The following NTM variants were observed in gnomAD, a reference collection of about 807,000 sequenced individuals.
NTM encodes the protein neurotrimin, also known as IgLON family member 2.
In NTM, 13 loss-of-function variants were observed where a neutral mutation model predicts 42.1. That is an observed-to-expected ratio of 0.31 (90% CI 0.20 to 0.49). The LOEUF (loss-of-function observed/expected upper bound fraction) is 0.49. Among genes scored for constraint, NTM ranks in the 20% least tolerant of loss-of-function variants. The probability of loss-of-function intolerance (pLI) is 0.99; values close to 1 mark genes in which losing one functional copy is unlikely to be tolerated. For synonymous variants in NTM, 187 were observed against 179.2 expected, an observed-to-expected ratio of 1.04 and a Z score of -0.35; for missense variants, 373 against 452.8, an observed-to-expected ratio of 0.82 and a Z score of 1.60.
intron 4 of NTM, among the ~76,000 whole-genome samples, chr11:132,229,854 A>G (rs1416923209): frequency 6.6e-6 from 1 of 152,218 alleles, no homozygotes; most frequent in African/African-American, 2.4e-5. Context: ...ATGTTCACTC[A>G]AGGAGCCATT....
At chr11:131,692,630 G>A (rs577625002) in intron 1 of NTM, among the ~76,000 whole-genome samples, 44 of 152,340 alleles carry the variant, frequency 2.9e-4, no homozygotes, top group African/African-American at 1.0e-3. Context: ...AAGAAATGCA[G>A]CCATATAAAA....
At chr11:132,114,710 A>T (rs185952487) in intron 2 of NTM, among the ~76,000 whole-genome samples, 1 of 152,240 alleles carries the variant, frequency 6.6e-6, no homozygotes, top group Non-Finnish European at 1.5e-5. Flanking sequence ...GAGATCATCA[A>T]GTTTAGCCTC....
chr11:131,529,136 T>C (rs546667058), intron 1 of NTM, among the ~76,000 whole-genome samples: 110 of 152,304 alleles, frequency 7.2e-4, no homozygotes, highest in African/African-American at 2.6e-3. Flanking sequence ...GCTAAACAGA[T>C]GTTTTGGACA....
chr11:131,900,654 G>GGAGA (rs1005720874), intron 1 of NTM, among the ~76,000 whole-genome samples: 1 of 151,130 alleles, frequency 6.6e-6, no homozygotes, highest in African/African-American at 2.4e-5. Context: ...AGAGAAAGAG[G>GGAGA]GAGAGAGAGA....
chr11:132,170,421 T>G (rs2075957849), intron 3 of NTM, among the ~76,000 whole-genome samples: 1 of 152,200 alleles, frequency 6.6e-6, no homozygotes, highest in South Asian at 2.1e-4. Context: ...TCTTACTTCC[T>G]TTAGAAAAGC....
At chr11:132,331,276 G>A (rs2095796494) in intron 8 of NTM, among the ~76,000 whole-genome samples, 1 of 152,184 alleles carries the variant, frequency 6.6e-6, no homozygotes, top group South Asian at 2.1e-4. Flanking sequence ...CTACATGAGT[G>A]TCATTAAGGT....
chr11:132,086,978 A>G (rs908997048), intron 2 of NTM, among the ~76,000 whole-genome samples: 1 of 152,132 alleles, frequency 6.6e-6, no homozygotes, highest in Non-Finnish European at 1.5e-5. Flanking sequence ...TCTTCTTCCA[A>G]AGGAGCCTCA....
chr11:131,423,179 C>T (rs1947714733), intron 1 of NTM, among the ~76,000 whole-genome samples: 1 of 152,162 alleles, frequency 6.6e-6, no homozygotes, highest in Non-Finnish European at 1.5e-5. Context: ...TTCAAAGGTG[C>T]TGCTTTGCAT....
intron 1 of NTM, among the ~76,000 whole-genome samples, chr11:131,437,723 T>C (rs557999813): frequency 5.3e-5 from 8 of 152,330 alleles, no homozygotes; most frequent in Non-Finnish European, 1.2e-4. Flanking sequence ...TACTGATGGG[T>C]CTTGACTCTT....
chr11:132,240,008 A>G (rs1460890227), intron 4 of NTM, among the ~76,000 whole-genome samples: 1 of 150,838 alleles, frequency 6.6e-6, no homozygotes, highest in Non-Finnish European at 1.5e-5. Flanking sequence ...CCATTCATCC[A>G]TCCAACCACC....
chr11:131,712,523 A>T (rs1327293473), intron 1 of NTM, among the ~76,000 whole-genome samples: 2 of 152,192 alleles, frequency 1.3e-5, no homozygotes, highest in Non-Finnish European at 2.9e-5. Context: ...GGGATAATAG[A>T]TGGCTTAGGT....
At chr11:131,726,874 T>G (rs1416905358) in intron 1 of NTM, among the ~76,000 whole-genome samples, 1 of 151,234 alleles carries the variant, frequency 6.6e-6, no homozygotes, top group South Asian at 2.1e-4. Context: ...CCACCATGCA[T>G]GGCTATTTTT....
At chr11:131,764,655 A>G (rs907881263) in intron 1 of NTM, among the ~76,000 whole-genome samples, 1 of 152,210 alleles carries the variant, frequency 6.6e-6, no homozygotes, top group African/African-American at 2.4e-5. Context: ...GCATTGCAAG[A>G]CTATTGTGAG....
At chr11:131,569,747 T>C (rs918106161) in intron 1 of NTM, among the ~76,000 whole-genome samples, 4 of 152,154 alleles carry the variant, frequency 2.6e-5, no homozygotes, top group African/African-American at 9.7e-5. Context: ...TGGCTAACTT[T>C]TAAAAAGTTT....
chr11:132,113,110 C>T (rs376639664), intron 2 of NTM, among the ~76,000 whole-genome samples: 21 of 152,262 alleles, frequency 1.4e-4, no homozygotes, highest in African/African-American at 4.8e-4. Context: ...TTTATTTTTC[C>T]GTACATGCAT....
intron 1 of NTM, among the ~76,000 whole-genome samples, chr11:131,629,333 T>G (rs937624596): frequency 6.6e-6 from 1 of 152,188 alleles, no homozygotes; most frequent in Non-Finnish European, 1.5e-5. Flanking sequence ...TGTGATAGAA[T>G]GGAGTCAGGC....
intron 1 of NTM, among the ~76,000 whole-genome samples, chr11:131,803,441 T>G (rs1222666172): frequency 1.3e-5 from 2 of 152,062 alleles, no homozygotes; most frequent in East Asian, 3.9e-4. Context: ...CCCAAGTAGC[T>G]GGGACTACAG....
intron 4 of NTM, among the ~76,000 whole-genome samples, chr11:132,253,643 T>C (rs1423242914): frequency 6.6e-6 from 1 of 152,230 alleles, no homozygotes; most frequent in Non-Finnish European, 1.5e-5. Flanking sequence ...AATGACTTGC[T>C]CAGGCTCACG....
intron 1 of NTM, chr11:131,911,150 A>G: frequency 7.8e-7 from 1 of 1,282,106 alleles, no homozygotes; most frequent in East Asian, 3.6e-5. Context: ...GCTGGGAAGA[A>G]GCGGCTCCTG....
Sources: gnomAD v4.1 joint callset for allele counts (sites outside exome capture counted in the v4.1 genomes callset) on GRCh38, gnomAD v4.1.1 for gene constraint, MANE v1.5 for transcripts, NCBI Gene and HGNC (gene_info 2026-07-23, HGNC 2026-07-21) for gene names.